Variants in DKK2 observed in about 807,000 individuals in gnomAD.
DKK2 encodes dickkopf Wnt signaling pathway inhibitor 2.
Under a neutral mutation model 28.1 loss-of-function variants are expected in DKK2, and 11 were observed. The ratio of observed to expected loss-of-function variants is 0.39; its 90% CI spans 0.25 to 0.65. The LOEUF (loss-of-function observed/expected upper bound fraction) is 0.65. DKK2 is among the 30% of genes least tolerant of loss of function. The pLI is 0.47. For missense variants in DKK2, 326 were observed against 335.5 expected (o/e 0.97, Z 0.22); for synonymous variants, 135 against 126.5 (o/e 1.07, Z -0.45).
At chr4:106,953,265 C>A (rs1284735014) in intron 1 of DKK2, among the ~76,000 whole-genome samples, 1 of 152,082 alleles carries the variant, frequency 6.6e-6, no homozygotes, top group African/African-American at 2.4e-5. Flanking sequence ...TGAGTGCTGG[C>A]CCTCCCTATC....
chr4:106,947,675 C>CTT (rs556558001), intron 1 of DKK2, among the ~76,000 whole-genome samples: 3 of 136,216 alleles, frequency 2.2e-5, no homozygotes, highest in Admixed American at 1.5e-4. Context: ...TTCTTTCTTT[C>CTT]TTTTTTTTTT....
intron 1 of DKK2, among the ~76,000 whole-genome samples, chr4:106,986,788 T>C (rs963287102): frequency 6.6e-6 from 1 of 152,200 alleles, no homozygotes; most frequent in Non-Finnish European, 1.5e-5. Context: ...TCAGAATCCT[T>C]GATTTATTAT....
At chr4:107,018,653 G>C (rs1723645996) in intron 1 of DKK2, among the ~76,000 whole-genome samples, 1 of 151,992 alleles carries the variant, frequency 6.6e-6, no homozygotes, top group South Asian at 2.1e-4. Context: ...GGGTTGCTGG[G>C]TTTGTGACAA....
chr4:107,024,860 C>T (rs1405926917), intron 1 of DKK2, among the ~76,000 whole-genome samples: 1 of 152,176 alleles, frequency 6.6e-6, no homozygotes, highest in Non-Finnish European at 1.5e-5. Flanking sequence ...CAGGCTCACC[C>T]GCTGTCCCAT....
chr4:107,023,923 T>C (rs143351444), intron 1 of DKK2, among the ~76,000 whole-genome samples: 127 of 152,264 alleles, frequency 8.3e-4, no homozygotes, highest in African/African-American at 2.9e-3. Context: ...CCTGCACATA[T>C]AATATGAACA....
chr4:107,028,953 A>T (rs1395898293), intron 1 of DKK2, among the ~76,000 whole-genome samples: 2 of 152,226 alleles, frequency 1.3e-5, no homozygotes, highest in African/African-American at 4.8e-5. Flanking sequence ...TCTACTTTCT[A>T]CTTGGGGTGA....
chr4:107,035,413 C>T lies in DKK2; in HGVS notation c.179G>A (p.Gly60Glu). The T allele has an allele frequency of 1.2e-6, 2 of 1,614,222 alleles. No individual in the cohort carries two copies. The highest frequency in any genetic ancestry group is 8.5e-7 in the Non-Finnish European group (1 of 1,180,044). ...CTTCTTACTGCCGCCGAATGCCAGT[C>T]CTTGGTACATGCCCGCAGATCGATT... ...AANRSAGMYQ[G>E]LAFGGSKKGK... The change falls in exon 1 of 4, where the codon GGA (glycine) becomes GAA (glutamate). Residue 60 changes from glycine to glutamate, a missense_variant. Transcript: ENST00000285311.
intron 1 of DKK2, among the ~76,000 whole-genome samples, chr4:106,953,018 T>C (rs1722507812): frequency 6.6e-6 from 1 of 152,214 alleles, no homozygotes; most frequent in African/African-American, 2.4e-5. Flanking sequence ...TTCTCTTTTA[T>C]CCATATTTTT....
chr4:106,955,500 C>A (rs1238801720), intron 1 of DKK2, among the ~76,000 whole-genome samples: 1 of 152,114 alleles, frequency 6.6e-6, no homozygotes, highest in Non-Finnish European at 1.5e-5. Flanking sequence ...GGAATTACAC[C>A]CAACACACAT....
At position 107,021,155 on chromosome 4, in the gene DKK2, T is replaced by C. The variant is rs1390531009; in HGVS notation, c.222+14215A>G. 2.0e-5 allele frequency among the ~76,000 whole-genome samples: 3 copies of C among 152,234 alleles called. No homozygotes were observed. In the East Asian group the frequency reaches 5.8e-4, roughly 29 times the overall value. On this transcript the variant is annotated intron_variant, in intron 1 of 3. Transcript: ENST00000285311. ...ACAATGCTGAATCCTTGACTCAGAA[T>C]GTTTATTAGAGTTTCAAAAACTTAT... is the stretch of plus-strand genomic sequence containing the variant.
chr4:106,960,541 C>T (rs975629593), intron 1 of DKK2, among the ~76,000 whole-genome samples: 53 of 151,848 alleles, frequency 3.5e-4, no homozygotes, highest in African/African-American at 1.3e-3. Context: ...TCCATATAAC[C>T]AAAAACCACT....
intron 1 of DKK2, among the ~76,000 whole-genome samples, chr4:106,998,406 G>A (rs905633637): frequency 6.6e-6 from 1 of 152,044 alleles, no homozygotes; most frequent in East Asian, 1.9e-4. Context: ...AAGTTGTAAA[G>A]GTATATTTAT....
At chr4:107,023,097 C>A (rs1450387629) in intron 1 of DKK2, among the ~76,000 whole-genome samples, 2 of 152,024 alleles carry the variant, frequency 1.3e-5, no homozygotes. Flanking sequence ...AGCTTATAAT[C>A]CTTGGCCTTA....
intron 1 of DKK2, among the ~76,000 whole-genome samples, chr4:107,000,839 T>C (rs181561400): frequency 3.9e-5 from 6 of 152,242 alleles, no homozygotes; most frequent in African/African-American, 1.2e-4. Flanking sequence ...TCCATGGCCA[T>C]ACAACTAGGA....
chr4:106,962,587 C>T (rs972776526), intron 1 of DKK2, among the ~76,000 whole-genome samples: 1 of 146,600 alleles, frequency 6.8e-6, no homozygotes, highest in African/African-American at 2.5e-5. Context: ...GCCCATCTCT[C>T]ACCATCTACA....
At chr4:107,003,377 C>T (rs1443196818) in intron 1 of DKK2, among the ~76,000 whole-genome samples, 2 of 152,210 alleles carry the variant, frequency 1.3e-5, no homozygotes, top group Non-Finnish European at 2.9e-5. Context: ...AGGCATAGTT[C>T]ACCATCTTTT....
In DKK2 at chr4:106,938,017, G is replaced by A. The variant is rs534370234; in HGVS notation, c.223-12068C>T. ...ACTAAATGCCCACAAGAGAAAGCAG[G>A]AAAGATCCAAAATTGACACCCTAAC... On this transcript the variant is annotated intron_variant, in intron 1 of 3. Transcript: ENST00000285311. Among the ~76,000 whole-genome samples the A allele has an allele frequency of 7.4e-4, 103 of 139,274 alleles. 1 individual carries two copies. Among genetic ancestry groups the A allele is most frequent in the South Asian group, 1.3e-3 (5 of 3,968 alleles). 91.4% of individuals were successfully genotyped at this position (139,274 alleles called of 152,430 possible). A position where few individuals can be genotyped will look rare whatever the true frequency, so the allele number is the denominator to read the frequency against.
chr4:106,985,208 CAAAAAAAAAAA>C (rs569150141), intron 1 of DKK2, among the ~76,000 whole-genome samples: 1 of 49,382 alleles, frequency 2.0e-5, no homozygotes, highest in Non-Finnish European at 4.4e-5. Flanking sequence ...TACTCCATCT[CAAAAAAAAAAA>C]AAAAAAAAAG....
At chr4:106,976,754 G>T (rs1259210979) in intron 1 of DKK2, among the ~76,000 whole-genome samples, 1 of 152,138 alleles carries the variant, frequency 6.6e-6, no homozygotes. Context: ...GGTTAATATT[G>T]TTATGTGTAA....
Sources: allele counts gnomAD v4.1 joint callset (sites outside exome capture counted in the v4.1 genomes callset), GRCh38; gene constraint gnomAD v4.1.1; transcripts MANE v1.5; gene names NCBI Gene and HGNC (gene_info 2026-07-23, HGNC 2026-07-21).